BABAM2: variants seen among roughly 807,000 people sequenced by gnomAD.
BABAM2 encodes BRISC and BRCA1 A complex member 2, also known as BRISC and BRCA1-A complex member 2.
Under a neutral mutation model 54.7 loss-of-function variants are expected in BABAM2, and 31 were observed. The ratio of observed to expected loss-of-function variants is 0.57; its 90% confidence interval spans 0.43 to 0.77. The LOEUF is 0.77. Among genes scored for constraint, BABAM2 ranks in the 30% least tolerant of loss-of-function variants. The pLI, the probability that BABAM2 is intolerant of heterozygous loss-of-function variation, is 0.00. For missense variants in BABAM2, 364 were observed against 455.8 expected (o/e 0.80, Z 1.83); for synonymous variants, 167 against 162.9 (o/e 1.03, Z -0.19).
intron 6 of BABAM2, among the ~76,000 whole-genome samples, chr2:28,108,075 A>T (rs1190572959): frequency 1.3e-5 from 2 of 151,588 alleles, no homozygotes; most frequent in Non-Finnish European, 2.9e-5. Context: ...TTTTTTTTTT[A>T]AACATAGTTT....
chr2:28,196,603 G>A (rs1212944376), intron 7 of BABAM2, among the ~76,000 whole-genome samples: 1 of 152,114 alleles, frequency 6.6e-6, no homozygotes, highest in South Asian at 2.1e-4. Flanking sequence ...AGCACTTTGG[G>A]AGGCTGAGAC....
At chr2:28,197,451 A>G (rs535240776) in intron 7 of BABAM2, among the ~76,000 whole-genome samples, 2 of 152,330 alleles carry the variant, frequency 1.3e-5, no homozygotes, top group South Asian at 4.1e-4. Flanking sequence ...CTACCTTTTA[A>G]AAGTACCAAA....
At chr2:28,010,087 C>G (rs1026673276) in intron 4 of BABAM2, among the ~76,000 whole-genome samples, 1 of 152,276 alleles carries the variant, frequency 6.6e-6, no homozygotes, top group African/African-American at 2.4e-5. Context: ...TGTCAGTAAT[C>G]AAAGGGTCCT....
intron 6 of BABAM2, among the ~76,000 whole-genome samples, chr2:28,067,716 C>T (rs1663736733): frequency 6.6e-6 from 1 of 152,050 alleles, no homozygotes; most frequent in Admixed American, 6.6e-5. Flanking sequence ...CTGGGGAAGG[C>T]ACATGGAGGG....
In BABAM2 at chr2:28,252,103, T is replaced by C. The variant is rs367763003; in HGVS notation, c.934+7241T>C. 3.3e-5 allele frequency among the ~76,000 whole-genome samples: 5 copies of C among 152,012 alleles called. No individual in the cohort carries two copies. The South Asian group carries it at 1.0e-3, about 32-fold the overall frequency. ...GGAGAGGCTGAGATAGGAGAATCGC[T>C]TGAACCTGGGAGGTGGAGGTTGCAG... On this transcript the variant is annotated intron_variant, in intron 10 of 11. Coordinates refer to ENST00000379624, the MANE Select transcript of BABAM2 (RefSeq NM_199191.3).
At chr2:28,221,240 C>T (rs1052999781) in intron 7 of BABAM2, among the ~76,000 whole-genome samples, 1 of 152,130 alleles carries the variant, frequency 6.6e-6, no homozygotes, top group Non-Finnish European at 1.5e-5. Context: ...GGGATGTGCT[C>T]ATCCGGTGCC....
chr2:28,110,838 C>T (rs554061849), intron 6 of BABAM2, among the ~76,000 whole-genome samples: 1 of 152,040 alleles, frequency 6.6e-6, no homozygotes, highest in Non-Finnish European at 1.5e-5. Context: ...TGCACAAGTG[C>T]TCCAGTTTCT....
At chr2:28,133,016 T>G (rs1056931192) in intron 7 of BABAM2, among the ~76,000 whole-genome samples, 1 of 152,248 alleles carries the variant, frequency 6.6e-6, no homozygotes, top group Non-Finnish European at 1.5e-5. Flanking sequence ...ACAAATTCAC[T>G]TGGTAGAACT....
intron 3 of BABAM2, among the ~76,000 whole-genome samples, chr2:27,933,764 G>GTTTTTTT (rs59022185): frequency 9.0e-6 from 1 of 110,872 alleles, no homozygotes; most frequent in Non-Finnish European, 1.9e-5. Flanking sequence ...TGCCTGGCTT[G>GTTTTTTT]TTTTTTTTTT....
Position 27,939,600 on chromosome 2 carries a change from A to G in BABAM2, c.205+9692A>G, listed in dbSNP as rs531565277. 2.6e-5 allele frequency among the ~76,000 whole-genome samples: 4 copies of G among 152,374 alleles called. No homozygotes were observed. In the East Asian group the frequency reaches 5.8e-4, roughly 22 times the overall value. ...TATACAAGGAATTTGTAATTGGAAC[A>G]TTGCTCTTAACAATTCAGAAAACAG... On this transcript the variant is annotated intron_variant, in intron 3 of 11. Transcript: ENST00000379624.
At chr2:28,312,222 A>ATTC (rs1385902266) in intron 11 of BABAM2, among the ~76,000 whole-genome samples, 21 of 152,212 alleles carry the variant, frequency 1.4e-4, no homozygotes, top group African/African-American at 4.8e-4. Context: ...TGACAAGCAG[A>ATTC]GGCCTTGCTT....
At chr2:27,994,398 C>A (rs866242566) in intron 4 of BABAM2, among the ~76,000 whole-genome samples, 3 of 152,142 alleles carry the variant, frequency 2.0e-5, no homozygotes, top group African/African-American at 7.2e-5. Flanking sequence ...AAGGTAAACA[C>A]ACCTGTGTAA....
At chr2:28,305,039 C>T (rs962123355) in intron 11 of BABAM2, among the ~76,000 whole-genome samples, 3 of 152,204 alleles carry the variant, frequency 2.0e-5, no homozygotes, top group Non-Finnish European at 4.4e-5. Flanking sequence ...TCCTTCCAAT[C>T]TTTATGTTTT....
chr2:28,117,771 T>C (rs1469980500), intron 6 of BABAM2, among the ~76,000 whole-genome samples: 2 of 152,128 alleles, frequency 1.3e-5, no homozygotes, highest in Non-Finnish European at 2.9e-5. Flanking sequence ...TTTGAGGGGC[T>C]TTACGGATTG....
chr2:28,185,739 C>T (rs1349840670), intron 7 of BABAM2, among the ~76,000 whole-genome samples: 2 of 147,996 alleles, frequency 1.4e-5, no homozygotes, highest in Non-Finnish European at 3.0e-5. Flanking sequence ...TTTTTTTGCT[C>T]TTTTTTTTTT....
chr2:28,008,412 A>G (rs986012241), intron 4 of BABAM2, among the ~76,000 whole-genome samples: 6 of 152,182 alleles, frequency 3.9e-5, no homozygotes, highest in Admixed American at 6.5e-5. Context: ...GAGCCAGTCA[A>G]GTGTACCCAG....
At chr2:27,971,446 G>A (rs933145965) in intron 3 of BABAM2, among the ~76,000 whole-genome samples, 26 of 151,580 alleles carry the variant, frequency 1.7e-4, no homozygotes, top group African/African-American at 6.3e-4. Flanking sequence ...TTTTCCTATT[G>A]CTTCACATCT....
Position 28,244,815 on chromosome 2 carries a change from A to C in BABAM2, c.887A>C (p.Lys296Thr), listed in dbSNP as rs1298880425. Residue 296 changes from lysine to threonine, a missense_variant, in exon 10 of 12, where the codon AAA becomes ACA. Coordinates refer to ENST00000379624, the MANE Select transcript of BABAM2 (RefSeq NM_199191.3). Reference sequence around the variant, plus strand: ...GAATATGATGCAGAAGGCTTTACAAAACTCACTCTGCTGCTGATGTGGAAA... The same window carrying C: ...GAATATGATGCAGAAGGCTTTACAACACTCACTCTGCTGCTGATGTGGAAA... ...VVEYDAEGFT[K>T]LTLLLMWKDF... 1.9e-6 allele frequency: 3 copies of C among 1,613,868 alleles called. No individual in the cohort carries two copies. The highest frequency in any genetic ancestry group is 2.5e-6 in the Non-Finnish European group (3 of 1,179,998).
chr2:28,091,860 T>G lies in BABAM2; in HGVS notation c.571-37411T>G, dbSNP rs141440017. On this transcript the variant is annotated intron_variant, in intron 6 of 11. Coordinates refer to ENST00000379624, the MANE Select transcript of BABAM2 (RefSeq NM_199191.3). ...ATAATTTCTTGAATTACCTTACACATAAAATGTCACAGCCATTCCCTGGGC... is the reference window on the plus strand; with the variant it reads ...ATAATTTCTTGAATTACCTTACACAGAAAATGTCACAGCCATTCCCTGGGC... Among the ~76,000 whole-genome samples, 73 of 152,296 alleles carry G rather than the reference T, an allele frequency of 4.8e-4. No homozygotes were observed. In the East Asian group the frequency reaches 0.013, roughly 26 times the overall value.
Sources: gnomAD v4.1 joint callset for allele counts (sites outside exome capture counted in the v4.1 genomes callset) on GRCh38, gnomAD v4.1.1 for gene constraint, MANE v1.5 for transcripts, NCBI Gene and HGNC (gene_info 2026-07-23, HGNC 2026-07-21) for gene names.